Variants in SCG5 observed in about 807,000 individuals in gnomAD.
The protein encoded by SCG5 is neuroendocrine protein 7B2.
A neutral mutation model predicts 25.7 loss-of-function variants in SCG5; 18 were observed. That is an observed-to-expected ratio of 0.70 (90% CI 0.48 to 1.04). SCG5 has a LOEUF of 1.04. SCG5 is among the 50% of genes least tolerant of loss of function. The pLI, the probability that SCG5 is intolerant of heterozygous loss-of-function variation, is 0.00. For missense variants in SCG5, 206 were observed against 259.8 expected (o/e 0.79, Z 1.42); for synonymous variants, 101 against 91.7 (o/e 1.10, Z -0.58).
In SCG5 at chr15:32,655,491, C is replaced by A. The variant is rs2054103177; in HGVS notation, c.226+11673C>A. ...GTCTCCCATTACAGCTGGTGGGTGC[C>A]CCCAAGCTATGCAGCCTCAGGGTGT... On this transcript the variant is annotated intron_variant, in intron 2 of 5. Coordinates refer to ENST00000300175, the MANE Select transcript of SCG5 (RefSeq NM_001144757.3). Among the ~76,000 whole-genome samples the A allele has an allele frequency of 3.3e-5, 5 of 152,126 alleles. No homozygotes were observed. The South Asian group carries it at 1.0e-3, about 32-fold the overall frequency.
intron 2 of SCG5, among the ~76,000 whole-genome samples, chr15:32,652,593 T>C (rs1052418947): frequency 9.9e-5 from 15 of 152,090 alleles, no homozygotes; most frequent in Non-Finnish European, 1.8e-4. Flanking sequence ...CCTTCCTCCA[T>C]TGGGGAAAAA....
chr15:32,690,762 TG>T (rs2054836173), intron 4 of SCG5, among the ~76,000 whole-genome samples: 1 of 152,272 alleles, frequency 6.6e-6, no homozygotes, highest in African/African-American at 2.4e-5. Context: ...AGAGGATACA[TG>T]TTGTATAAAC....
intron 1 of SCG5, among the ~76,000 whole-genome samples, chr15:32,643,014 T>C (rs2053890731): frequency 6.6e-6 from 1 of 152,146 alleles, no homozygotes; most frequent in Admixed American, 6.5e-5. Flanking sequence ...CCCCAGCAGA[T>C]TGCAGGGCTG....
chr15:32,677,236 A>G (rs990332199), intron 2 of SCG5, among the ~76,000 whole-genome samples: 2 of 152,234 alleles, frequency 1.3e-5, no homozygotes, highest in African/African-American at 4.8e-5. Context: ...ATAAATGTAA[A>G]CAAAACAAGC....
intron 2 of SCG5, among the ~76,000 whole-genome samples, chr15:32,645,459 A>G (rs1461767063): frequency 6.6e-6 from 1 of 152,176 alleles, no homozygotes; most frequent in Non-Finnish European, 1.5e-5. Context: ...CTGAGTGGAG[A>G]GGGAAGTGGG....
chr15:32,672,691 G>A (rs1368745405), intron 2 of SCG5, among the ~76,000 whole-genome samples: 1 of 152,090 alleles, frequency 6.6e-6, no homozygotes, highest in Non-Finnish European at 1.5e-5. Flanking sequence ...ATGAATGGAC[G>A]CAGAAGGCCT....
At chr15:32,655,276 C>G (rs2054097962) in intron 2 of SCG5, among the ~76,000 whole-genome samples, 2 of 152,076 alleles carry the variant, frequency 1.3e-5, no homozygotes, top group South Asian at 2.1e-4. Context: ...CCACTGCACT[C>G]CAGCCTGGGC....
At chr15:32,686,573 A>G (rs534233664) in intron 4 of SCG5, among the ~76,000 whole-genome samples, 15 of 152,306 alleles carry the variant, frequency 9.8e-5, no homozygotes, top group African/African-American at 3.4e-4. Context: ...AGAGAGGAAT[A>G]GAGGGAGGAA....
intron 4 of SCG5, among the ~76,000 whole-genome samples, chr15:32,690,397 C>T (rs1231743806): frequency 2.6e-5 from 4 of 152,208 alleles, no homozygotes; most frequent in Non-Finnish European, 4.4e-5. Flanking sequence ...GGAGTTTTTA[C>T]GTTCACAGAA....
Position 32,643,685 on chromosome 15 carries a change from C to G in SCG5, c.93C>G (p.Thr31=). 1.2e-6 allele frequency: 2 copies of G among 1,613,866 alleles called. No homozygotes were observed. The highest frequency in any genetic ancestry group is 1.7e-6 in the Non-Finnish European group (2 of 1,179,836). Residue 31 remains threonine, a synonymous_variant, in exon 2 of 6, where the codon ACC becomes ACG. Coordinates refer to ENST00000300175, the MANE Select transcript of SCG5 (RefSeq NM_001144757.3). ...WTPAFAYSPR[T]PDRVSEADIQ... ...CAGCATTTGCTTACAGCCCCCGGAC[C>G]CCTGACCGGGTCTCAGAAGCAGATA... is the stretch of plus-strand genomic sequence containing the variant.
intron 2 of SCG5, among the ~76,000 whole-genome samples, chr15:32,668,031 GGAATATTTGTATGAGA>G (rs1725779087): frequency 1.3e-5 from 2 of 152,118 alleles, no homozygotes; most frequent in African/African-American, 4.8e-5. Flanking sequence ...AGAGAAATTG[GGAATATTTGTATGAGA>G]TGGGAAACCA....
chr15:32,661,383 G>T (rs534114536), intron 2 of SCG5, among the ~76,000 whole-genome samples: 3 of 152,326 alleles, frequency 2.0e-5, no homozygotes, highest in South Asian at 4.1e-4. Flanking sequence ...ACTTTGGGAG[G>T]CCGAGGCGGG....
intron 2 of SCG5, among the ~76,000 whole-genome samples, chr15:32,646,017 A>G (rs938490203): frequency 2.5e-4 from 38 of 151,668 alleles, no homozygotes; most frequent in African/African-American, 8.5e-4. Flanking sequence ...ATGGGGTTTC[A>G]CCGTGTTAGC....
At chr15:32,663,032 A>T (rs1434726808) in intron 2 of SCG5, among the ~76,000 whole-genome samples, 17 of 79,284 alleles carry the variant, frequency 2.1e-4, no homozygotes, top group Non-Finnish European at 3.6e-4. Context: ...AAAAAAAAAG[A>T]ATATATATAT....
intron 2 of SCG5, among the ~76,000 whole-genome samples, chr15:32,672,490 G>T (rs563610748): frequency 3.3e-4 from 51 of 152,368 alleles, no homozygotes; most frequent in African/African-American, 1.2e-3. Context: ...ATGGTGGCGA[G>T]GCCCACAGGT....
At chr15:32,695,012 T>G (rs1452901949) in intron 5 of SCG5, among the ~76,000 whole-genome samples, 9 of 136 alleles carry the variant, frequency 0.066, no homozygotes, top group Middle Eastern at 0.25. Flanking sequence ...TCTTTCTTTC[T>G]TTTTTTTTTT....
chr15:32,681,830 T>C (rs1237224858), intron 3 of SCG5, among the ~76,000 whole-genome samples: 1 of 152,148 alleles, frequency 6.6e-6, no homozygotes, highest in Non-Finnish European at 1.5e-5. Flanking sequence ...AAAGAGACTG[T>C]CTTAGAAAAT....
In SCG5 at chr15:32,654,339, G is replaced by A. The variant is rs972066570; in HGVS notation, c.226+10521G>A. ...TTCATTGTATTCACATGGCAGAAGA[G>A]ATGAGAGAGCTCTCTGGGGCTTCTT... On this transcript the variant is annotated intron_variant, in intron 2 of 5. Transcript: ENST00000300175. Among the ~76,000 whole-genome samples, 7 of 152,342 alleles carry A rather than the reference G, an allele frequency of 4.6e-5. No individual in the cohort carries two copies. In the East Asian group the frequency reaches 1.3e-3, roughly 29 times the overall value.
chr15:32,674,340 T>C (rs2054494974), intron 2 of SCG5, among the ~76,000 whole-genome samples: 2 of 152,012 alleles, frequency 1.3e-5, no homozygotes, highest in South Asian at 4.2e-4. Context: ...TTTATGCACA[T>C]TTTAGAGAGT....
Sources: gnomAD v4.1 joint callset for allele counts (sites outside exome capture counted in the v4.1 genomes callset) on GRCh38, gnomAD v4.1.1 for gene constraint, MANE v1.5 for transcripts, NCBI Gene and HGNC (gene_info 2026-07-23, HGNC 2026-07-21) for gene names.